CACNA1A: variants seen among roughly 807,000 people sequenced by gnomAD.
The protein encoded by CACNA1A is calcium voltage-gated channel subunit alpha1 A.
CACNA1A carries 57 observed loss-of-function variants against 262.4 expected under a neutral mutation model. The ratio of observed to expected loss-of-function variants is 0.22; its 90% confidence interval spans 0.18 to 0.27. The LOEUF is 0.27. Ranked by LOEUF, CACNA1A falls within the 10% of genes least tolerant of loss-of-function variation. CACNA1A has a pLI of 1.00. For synonymous variants in CACNA1A, 1,431 were observed against 1,419.3 expected (o/e 1.01, Z -0.18); for missense variants, 2,526 against 3,562.8 (o/e 0.71, Z 7.41).
At chr19:13,497,964 C>A (rs908402351) in intron 1 of CACNA1A, among the ~76,000 whole-genome samples, 2 of 151,744 alleles carry the variant, frequency 1.3e-5, no homozygotes, top group Admixed American at 6.6e-5. Context: ...TGTCTCCCCT[C>A]CATCCAATAT....
intron 24 of CACNA1A, among the ~76,000 whole-genome samples, chr19:13,270,104 G>A (rs1456507593): frequency 3.9e-5 from 6 of 152,098 alleles, no homozygotes; most frequent in Admixed American, 1.3e-4. Flanking sequence ...CGTATTCAGG[G>A]CTGGGAGATG....
intron 17 of CACNA1A, among the ~76,000 whole-genome samples, chr19:13,302,844 C>T (rs1038650732): frequency 3.9e-5 from 6 of 152,206 alleles, no homozygotes; most frequent in Admixed American, 1.3e-4. Context: ...GCGTTGGCAA[C>T]GTCTGCTTGG....
At chr19:13,376,925 T>TTATA (rs35224316) in intron 3 of CACNA1A, among the ~76,000 whole-genome samples, 16 of 141,362 alleles carry the variant, frequency 1.1e-4, no homozygotes, top group Middle Eastern at 3.7e-3. Flanking sequence ...TACATATATG[T>TTATA]TATATATATA....
At chr19:13,481,844 C>T (rs988057565) in intron 1 of CACNA1A, among the ~76,000 whole-genome samples, 5 of 152,162 alleles carry the variant, frequency 3.3e-5, no homozygotes, top group Non-Finnish European at 7.4e-5. Flanking sequence ...GTTCAGGCAG[C>T]GATCACTTGC....
At chr19:13,225,834 GATTT>G (rs1024820344) in intron 37 of CACNA1A, 1 of 152,110 alleles carries the variant, frequency 6.6e-6, no homozygotes, top group African/African-American at 2.4e-5. Context: ...GGAAATGATA[GATTT>G]ATGTACTTAT....
chr19:13,392,030 CAAAAAAAAAA>C (rs137905773), intron 3 of CACNA1A, among the ~76,000 whole-genome samples: 2 of 84,724 alleles, frequency 2.4e-5, no homozygotes, highest in African/African-American at 4.9e-5. Context: ...GACCATGTCT[CAAAAAAAAAA>C]AAAAAAAGAA....
intron 37 of CACNA1A, chr19:13,226,452 G>A (rs990910509): frequency 6.6e-6 from 1 of 152,502 alleles, no homozygotes; most frequent in African/African-American, 2.4e-5. Context: ...AAATAGCATT[G>A]ATGGATAGGG....
intron 3 of CACNA1A, among the ~76,000 whole-genome samples, chr19:13,440,045 G>T (rs2060687924): frequency 6.6e-6 from 1 of 152,066 alleles, no homozygotes. Context: ...CTGCAGCCTT[G>T]ACCTCCTGGG....
chr19:13,461,681 C>T (rs1322372937), intron 1 of CACNA1A, among the ~76,000 whole-genome samples: 2 of 152,172 alleles, frequency 1.3e-5, no homozygotes, highest in African/African-American at 2.4e-5. Context: ...ATTTAGAAAG[C>T]CTGAGTTCTA....
In CACNA1A at chr19:13,277,202, G is replaced by A. The variant is rs188867414; in HGVS notation, c.3823-74C>T. On this transcript the variant is annotated intron_variant, in intron 22 of 46. Coordinates refer to ENST00000360228, the MANE Select transcript of CACNA1A (RefSeq NM_001127222.2). ...CAGAGCCCCGGTAAAACTAACGATC[G>A]CCTACTGGGGAGCAGAGTTTCTACC... 9 of 1,023,728 alleles carry A rather than the reference G, an allele frequency of 8.8e-6. No homozygotes were observed. In the Admixed American group the frequency reaches 1.2e-4, roughly 13 times the overall value. 63.4% of individuals were successfully genotyped at this position (1,023,728 alleles called of 1,614,324 possible).
At chr19:13,406,509 A>ATATATATATATATATATG (rs1487889235) in intron 3 of CACNA1A, among the ~76,000 whole-genome samples, 19 of 109,654 alleles carry the variant, frequency 1.7e-4, no homozygotes, top group South Asian at 9.8e-4. Context: ...ATATATATAT[A>ATATATATATATATATATG]TATGAAGGGA....
In CACNA1A at chr19:13,307,906, G is replaced by A. The variant is rs550118681; in HGVS notation, c.1914-52C>T. 5.2e-6 allele frequency: 8 copies of A among 1,535,520 alleles called. No individual in the cohort carries two copies. In the East Asian group the frequency reaches 1.6e-4, roughly 30 times the overall value. On this transcript the variant is annotated intron_variant, in intron 14 of 46. Transcript: ENST00000360228. ...GTTGGCCCCACCCGGGGTGCTCTGA[G>A]GGTGTGGCTCAGTATCTCATCTCCA...
At chr19:13,282,165 G>A (rs1263348839) in intron 22 of CACNA1A, among the ~76,000 whole-genome samples, 1 of 152,230 alleles carries the variant, frequency 6.6e-6, no homozygotes, top group Non-Finnish European at 1.5e-5. Flanking sequence ...CCCCAGGGGG[G>A]CCTGCCAGGC....
At chr19:13,208,552 G>A (rs1482896070) in intron 46 of CACNA1A, among the ~76,000 whole-genome samples, 3 of 151,782 alleles carry the variant, frequency 2.0e-5, no homozygotes, top group East Asian at 1.9e-4. Context: ...GGGGGCTGGG[G>A]GGACAGCATA....
rs769061598 is a variant in CACNA1A, at chr19:13,286,947, C to T, written c.3109G>A (p.Val1037Ile). The change falls in exon 20 of 47, where the codon GTC (valine) becomes ATC (isoleucine). Residue 1037 changes from valine (V) to isoleucine (I), a missense_variant. Coordinates refer to ENST00000360228, the MANE Select transcript of CACNA1A (RefSeq NM_001127222.2). ...GACAGGTTGGGGCCCGACACAGGGA[C>T]CCCGGAGCCCTGGTTCTCTCTGAGG... ...RRRKENQGSG[V>I]PVSGPNLSTT... is the part of the protein sequence containing the mutation. The T allele has an allele frequency of 1.2e-6, 2 of 1,602,106 alleles. No individual in the cohort carries two copies. The highest frequency in any genetic ancestry group is 1.7e-6 in the Non-Finnish European group (2 of 1,173,150).
At chr19:13,323,838 A>T (rs1568534397) in intron 10 of CACNA1A, among the ~76,000 whole-genome samples, 1 of 152,182 alleles carries the variant, frequency 6.6e-6, no homozygotes, top group Non-Finnish European at 1.5e-5. Context: ...CCAAAAAATC[A>T]TTCCCGAGAC....
chr19:13,371,744 C>G lies in CACNA1A; in HGVS notation c.575G>C (p.Arg192Pro). ...CAGCACTCGAACTGCCCTCAGCGTC[C>G]GTAGGTCAAACTCCGTCCCAACTGT... ...LATVGTEFDL[R>P]TLRAVRVLRP... Residue 192 changes from arginine (R) to proline (P), a missense_variant, in exon 4 of 47, where the codon CGG (arginine) becomes CCG (proline). Arg to Pro is a moderately radical substitution (Grantham distance 103, BLOSUM62 -2). Transcript: ENST00000360228. 6.3e-7 allele frequency: 1 copy of G among 1,579,988 alleles called. No homozygotes were observed. The highest frequency in any genetic ancestry group is 8.6e-7 in the Non-Finnish European group (1 of 1,163,224).
chr19:13,381,719 C>G (rs2059526483), intron 3 of CACNA1A, among the ~76,000 whole-genome samples: 2 of 152,218 alleles, frequency 1.3e-5, no homozygotes. Context: ...CATCCGTGTT[C>G]TTCAAATGCA....
chr19:13,499,453 G>T (rs1265166279), intron 1 of CACNA1A, among the ~76,000 whole-genome samples: 5 of 132,812 alleles, frequency 3.8e-5, no homozygotes, highest in Admixed American at 7.3e-5. Flanking sequence ...GGGGTGGTGG[G>T]GGGGGGCACT....
Sources: allele counts gnomAD v4.1 joint callset (sites outside exome capture counted in the v4.1 genomes callset), GRCh38; gene constraint gnomAD v4.1.1; transcripts MANE v1.5; gene names NCBI Gene and HGNC (gene_info 2026-07-23, HGNC 2026-07-21).